The following CALN1 variants were observed in gnomAD, a reference collection of about 807,000 sequenced individuals.
CALN1 encodes the protein calcium-binding protein 8.
In CALN1, 17 loss-of-function variants were observed where a neutral mutation model predicts 30.6. The observed-to-expected ratio is 0.56, with a 90% confidence interval of 0.38 to 0.83. The LOEUF is 0.83. Among genes scored for constraint, CALN1 ranks in the 40% least tolerant of loss-of-function variants. The probability of loss-of-function intolerance (pLI) is 0.00; values close to 1 mark genes in which losing one functional copy is unlikely to be tolerated. For missense variants in CALN1, 291 were observed against 354.9 expected (o/e 0.82, Z 1.45); for synonymous variants, 156 against 131.4 (o/e 1.19, Z -1.28).
At chr7:71,955,194 C>T (rs1390556585) in intron 5 of CALN1, among the ~76,000 whole-genome samples, 1 of 152,002 alleles carries the variant, frequency 6.6e-6, no homozygotes. Flanking sequence ...AAACGGAAAA[C>T]CCCTGATAAA....
At chr7:72,090,538 T>C (rs1480726062) in intron 4 of CALN1, among the ~76,000 whole-genome samples, 1 of 152,108 alleles carries the variant, frequency 6.6e-6, no homozygotes, top group East Asian at 1.9e-4. Flanking sequence ...TAATAAAGAA[T>C]TTAAATAAGT....
chr7:72,388,815 C>T lies in CALN1; in HGVS notation c.119+14436G>A, dbSNP rs535969000. Among the ~76,000 whole-genome samples the T allele has an allele frequency of 1.1e-4, 16 of 152,286 alleles. No homozygotes were observed. The South Asian group carries it at 2.5e-3, about 24-fold the overall frequency. ...GTCTTGTCACCCGGTCGCAGGTGTG[C>T]ACTGGCTGGCCAATAATCCTGAAGT... On this transcript the variant is annotated intron_variant, in intron 2 of 6. Transcript: ENST00000395275.
In CALN1 at chr7:72,286,016, A is replaced by C. The variant is rs375004033; in HGVS notation, c.120-7206T>G. ...AGCACACCAAAATAATGATATTCTC[A>C]ACACCACCAATGCCAGAGTATGGAA... On this transcript the variant is annotated intron_variant, in intron 2 of 6. Coordinates refer to ENST00000395275, the MANE Select transcript of CALN1 (RefSeq NM_031468.4). Among the ~76,000 whole-genome samples, 45 of 152,358 alleles carry C rather than the reference A, an allele frequency of 3.0e-4. No homozygotes were observed. In the East Asian group the frequency reaches 5.8e-3, roughly 20 times the overall value.
intron 3 of CALN1, among the ~76,000 whole-genome samples, chr7:72,143,883 T>G (rs543998655): frequency 3.8e-4 from 58 of 152,222 alleles, no homozygotes; most frequent in African/African-American, 1.3e-3. Context: ...CTAAGCTTCA[T>G]AAGTGAAGGA....
chr7:72,193,194 AAAG>A (rs1790751502), intron 3 of CALN1, among the ~76,000 whole-genome samples: 2 of 44,696 alleles, frequency 4.5e-5, no homozygotes, highest in Non-Finnish European at 3.0e-4. Flanking sequence ...TCTCAAAAAA[AAAG>A]AAAAGAGAAA....
At chr7:72,331,301 G>C (rs1343268211) in intron 2 of CALN1, among the ~76,000 whole-genome samples, 3 of 151,986 alleles carry the variant, frequency 2.0e-5, no homozygotes, top group Non-Finnish European at 4.4e-5. Context: ...AGTGAGCCGA[G>C]ATCACGCCAC....
the CALN1 span, among the ~76,000 whole-genome samples, chr7:72,462,368 A>G: frequency 6.6e-6 from 1 of 151,988 alleles, no homozygotes; most frequent in Non-Finnish European, 1.5e-5. Context: ...TATCTTTTTT[A>G]AAGCCAGCAT....
chr7:72,318,541 A>G (rs1800645009), intron 2 of CALN1, among the ~76,000 whole-genome samples: 1 of 151,942 alleles, frequency 6.6e-6, no homozygotes, highest in African/African-American at 2.4e-5. Context: ...TCCTCCAATT[A>G]AACTTCATTT....
chr7:72,445,240 G>A (rs929502027), intron 1 of CALN1, among the ~76,000 whole-genome samples: 2 of 152,166 alleles, frequency 1.3e-5, no homozygotes, highest in African/African-American at 4.8e-5. Context: ...CCTAGAAAGT[G>A]AAAGAAGGCT....
At chr7:72,446,611 G>A (rs578039876) in intron 1 of CALN1, among the ~76,000 whole-genome samples, 38 of 152,322 alleles carry the variant, frequency 2.5e-4, no homozygotes, top group Non-Finnish European at 4.1e-4. Flanking sequence ...ACGTAGGAGT[G>A]CAGCCACACA....
intron 2 of CALN1, among the ~76,000 whole-genome samples, chr7:72,401,885 A>ACC (rs912009501): frequency 1.3e-5 from 2 of 149,948 alleles, no homozygotes; most frequent in African/African-American, 4.9e-5. Context: ...CTCAATTCTT[A>ACC]CCTCCTTTTC....
chr7:72,198,065 A>G (rs10271384), intron 3 of CALN1, among the ~76,000 whole-genome samples: 3,639 of 152,260 alleles, frequency 0.024, 141 homozygotes, highest in African/African-American at 0.081. Context: ...TATATTAAAT[A>G]TAAGACTTTC....
At chr7:72,257,224 T>C (rs1401796591) in intron 3 of CALN1, among the ~76,000 whole-genome samples, 1 of 152,168 alleles carries the variant, frequency 6.6e-6, no homozygotes. Flanking sequence ...TCCGCCCCCA[T>C]TATCCAATCA....
chr7:72,435,917 G>A (rs1307956015), intron 1 of CALN1, among the ~76,000 whole-genome samples: 1 of 152,128 alleles, frequency 6.6e-6, no homozygotes, highest in African/African-American at 2.4e-5. Context: ...AGCTCAAGAG[G>A]AACCTTGAGT....
At chr7:71,980,972 TG>T (rs2129527167) in intron 5 of CALN1, among the ~76,000 whole-genome samples, 2 of 152,188 alleles carry the variant, frequency 1.3e-5, no homozygotes, top group East Asian at 3.9e-4. Context: ...GACATGGAGC[TG>T]ATCTTAAGAA....
chr7:71,882,894 T>TG (rs1792669257), intron 5 of CALN1, among the ~76,000 whole-genome samples: 20 of 99,106 alleles, frequency 2.0e-4, no homozygotes, highest in African/African-American at 5.8e-4. Context: ...GTGTGTGTGT[T>TG]TGTAAAGACA....
At chr7:72,369,359 T>TTTTTTTTTGTTG (rs3030372) in intron 2 of CALN1, among the ~76,000 whole-genome samples, 140 of 146,712 alleles carry the variant, frequency 9.5e-4, no homozygotes, top group African/African-American at 3.3e-3. Context: ...TATTTATTTT[T>TTTTTTTTTGTTG]TTGTTGTTGT....
intron 5 of CALN1, among the ~76,000 whole-genome samples, chr7:72,021,769 G>C (rs540497693): frequency 6.6e-6 from 1 of 152,262 alleles, no homozygotes; most frequent in African/African-American, 2.4e-5. Flanking sequence ...CAGCTCTCAT[G>C]AATCTCAATC....
At chr7:72,472,214 C>A in the CALN1 span, among the ~76,000 whole-genome samples, 5 of 152,158 alleles carry the variant, frequency 3.3e-5, no homozygotes, top group Non-Finnish European at 7.3e-5. Context: ...CAGCCATAGT[C>A]ACCAAAACCT....
Sources: gnomAD v4.1 joint callset for allele counts (sites outside exome capture counted in the v4.1 genomes callset) on GRCh38, gnomAD v4.1.1 for gene constraint, MANE v1.5 for transcripts, NCBI Gene and HGNC (gene_info 2026-07-23, HGNC 2026-07-21) for gene names.